The following PLXDC2 variants were observed in gnomAD, a reference collection of about 807,000 sequenced individuals.
PLXDC2 encodes plexin domain-containing protein 2.
PLXDC2 carries 40 observed loss-of-function variants against 68.9 expected under a neutral mutation model. The observed-to-expected ratio is 0.58, with a 90% CI of 0.45 to 0.76. The LOEUF is 0.76. Ranked by LOEUF, PLXDC2 falls within the 30% of genes least tolerant of loss-of-function variation. PLXDC2 has a pLI of 0.00. For synonymous variants in PLXDC2, 243 were observed against 234.2 expected (o/e 1.04, Z -0.34); for missense variants, 644 against 661.9 (o/e 0.97, Z 0.30).
chr10:20,262,925 C>A (rs1430636206), intron 13 of PLXDC2, among the ~76,000 whole-genome samples: 1 of 152,214 alleles, frequency 6.6e-6, no homozygotes, highest in African/African-American at 2.4e-5. Context: ...TCAGCAACTC[C>A]CTGGACAGAG....
intron 2 of PLXDC2, among the ~76,000 whole-genome samples, chr10:20,018,692 A>G (rs1589589067): frequency 6.6e-6 from 1 of 152,174 alleles, no homozygotes. Flanking sequence ...ACATTTCTTC[A>G]TGTAATCATT....
intron 7 of PLXDC2, among the ~76,000 whole-genome samples, chr10:20,165,785 G>T (rs1183244351): frequency 6.6e-6 from 1 of 152,148 alleles, no homozygotes; most frequent in Non-Finnish European, 1.5e-5. Flanking sequence ...AAAGGGACGT[G>T]TTGCTTTGGA....
At chr10:20,033,475 A>T (rs1272624957) in intron 2 of PLXDC2, among the ~76,000 whole-genome samples, 1 of 152,190 alleles carries the variant, frequency 6.6e-6, no homozygotes, top group Non-Finnish European at 1.5e-5. Flanking sequence ...CTCTCATGCT[A>T]CTAAATAAAG....
At chr10:20,216,558 G>C (rs1274708619) in intron 10 of PLXDC2, among the ~76,000 whole-genome samples, 3 of 152,126 alleles carry the variant, frequency 2.0e-5, no homozygotes, top group Non-Finnish European at 4.4e-5. Flanking sequence ...CTAATGATGA[G>C]AGAAGTTTAA....
chr10:20,131,033 G>C (rs551786912), intron 4 of PLXDC2, among the ~76,000 whole-genome samples: 5 of 152,202 alleles, frequency 3.3e-5, no homozygotes, highest in African/African-American at 1.2e-4. Context: ...AAATTTTTTG[G>C]AAGATTTTAA....
intron 13 of PLXDC2, among the ~76,000 whole-genome samples, chr10:20,250,520 T>C (rs1172009383): frequency 6.6e-6 from 1 of 152,174 alleles, no homozygotes; most frequent in East Asian, 1.9e-4. Flanking sequence ...CTTCATCTCA[T>C]AGACGAGGAG....
intron 1 of PLXDC2, among the ~76,000 whole-genome samples, chr10:19,944,908 C>T (rs11011693): frequency 0.17 from 25,102 of 152,106 alleles, 2,387 homozygotes; most frequent in South Asian, 0.26. Flanking sequence ...GCTGAAATTG[C>T]GCCACTGCAC....
chr10:19,936,427 C>T (rs1833724792), intron 1 of PLXDC2, among the ~76,000 whole-genome samples: 1 of 152,176 alleles, frequency 6.6e-6, no homozygotes, highest in Admixed American at 6.5e-5. Flanking sequence ...CACTGCACTG[C>T]AAAAGTAGCA....
At chr10:19,862,844 G>T (rs1216137661) in intron 1 of PLXDC2, among the ~76,000 whole-genome samples, 4 of 152,104 alleles carry the variant, frequency 2.6e-5, no homozygotes, top group African/African-American at 9.7e-5. Context: ...CCAGAGCCCT[G>T]ATCTCTTATT....
intron 4 of PLXDC2, among the ~76,000 whole-genome samples, chr10:20,085,316 G>A (rs564898806): frequency 4.6e-5 from 7 of 152,194 alleles, no homozygotes; most frequent in African/African-American, 1.4e-4. Flanking sequence ...AGAATGCATC[G>A]CAGACGCTGC....
intron 13 of PLXDC2, among the ~76,000 whole-genome samples, chr10:20,275,244 C>G (rs1015503227): frequency 1.3e-5 from 2 of 151,884 alleles, no homozygotes; most frequent in African/African-American, 4.8e-5. Flanking sequence ...TAGAAGAGAC[C>G]TTAGAAAATC....
chr10:20,213,012 T>C (rs1835089478), intron 10 of PLXDC2, among the ~76,000 whole-genome samples: 1 of 152,172 alleles, frequency 6.6e-6, no homozygotes, highest in Non-Finnish European at 1.5e-5. Flanking sequence ...CTTTTCATTT[T>C]CTCTATGATT....
chr10:20,092,952 G>C (rs759818853), intron 4 of PLXDC2, among the ~76,000 whole-genome samples: 2 of 152,146 alleles, frequency 1.3e-5, no homozygotes, highest in Non-Finnish European at 2.9e-5. Flanking sequence ...GTCCATCCTT[G>C]TTGGCACCTT....
intron 4 of PLXDC2, among the ~76,000 whole-genome samples, chr10:20,090,538 A>T (rs897370399): frequency 6.6e-6 from 1 of 152,180 alleles, no homozygotes; most frequent in Non-Finnish European, 1.5e-5. Flanking sequence ...CATTCTTCTC[A>T]CTAGCTCACC....
At chr10:19,861,932 T>G (rs1169182657) in intron 1 of PLXDC2, among the ~76,000 whole-genome samples, 3 of 152,206 alleles carry the variant, frequency 2.0e-5, no homozygotes, top group African/African-American at 7.2e-5. Context: ...GCTACTCACA[T>G]TGATTAACAA....
intron 12 of PLXDC2, among the ~76,000 whole-genome samples, chr10:20,244,017 C>T (rs1021523542): frequency 6.6e-6 from 1 of 152,060 alleles, no homozygotes; most frequent in South Asian, 2.1e-4. Context: ...CGAGATCACA[C>T]CACTGCACTC....
chr10:20,257,082 A>C (rs1047727680), intron 13 of PLXDC2, among the ~76,000 whole-genome samples: 32 of 152,170 alleles, frequency 2.1e-4, no homozygotes, highest in Admixed American at 1.2e-3. Flanking sequence ...AAGGGACGCA[A>C]GGATCTCTGG....
At chr10:20,275,423 A>C (rs906047034) in intron 13 of PLXDC2, among the ~76,000 whole-genome samples, 1 of 152,142 alleles carries the variant, frequency 6.6e-6, no homozygotes. Flanking sequence ...TGAGAAACAC[A>C]GATTTAGTTC....
At chr10:20,005,286 G>T (rs1469258096) in intron 2 of PLXDC2, among the ~76,000 whole-genome samples, 1 of 152,130 alleles carries the variant, frequency 6.6e-6, no homozygotes. Context: ...TAAAAGACTT[G>T]TTTTGAATCC....
Sources: allele counts gnomAD v4.1 joint callset (sites outside exome capture counted in the v4.1 genomes callset), GRCh38; gene constraint gnomAD v4.1.1; transcripts MANE v1.5; gene names NCBI Gene and HGNC (gene_info 2026-07-23, HGNC 2026-07-21).